The following CDH5 variants were observed in gnomAD, a reference collection of about 807,000 sequenced individuals.
The protein encoded by CDH5 is cadherin 5, also known as cadherin-5.
Under a neutral mutation model 62.0 loss-of-function variants are expected in CDH5, and 28 were observed. The observed-to-expected ratio is 0.45, with a 90% CI of 0.33 to 0.62. The LOEUF (loss-of-function observed/expected upper bound fraction) is 0.62, where lower values mean the gene tolerates loss of function less well. Ranked by LOEUF, CDH5 falls within the 20% of genes least tolerant of loss-of-function variation. The pLI is 0.02. For synonymous variants in CDH5, 464 were observed against 445.8 expected, an observed-to-expected ratio of 1.04 and a Z score of -0.52; for missense variants, 940 against 1,065.1, an observed-to-expected ratio of 0.88 and a Z score of 1.63.
intron 11 of CDH5, among the ~76,000 whole-genome samples, chr16:66,401,832 G>A (rs1288371464): frequency 6.6e-6 from 1 of 152,184 alleles, no homozygotes. Context: ...CGCAGCAGGG[G>A]CTGATCCTCC....
In CDH5 at chr16:66,403,101, T is replaced by C. The variant is rs1270112336; in HGVS notation, c.2287T>C (p.Trp763Arg). Residue 763 changes from tryptophan to arginine, a missense_variant, in exon 12 of 12, where the codon TGG becomes CGG. By Grantham distance (101) the Trp-to-Arg change is moderately radical. Coordinates refer to ENST00000341529, the MANE Select transcript of CDH5 (RefSeq NM_001795.5). This position sits in a 1 kb window ranked among gnomAD's most constrained non-coding sequence, Gnocchi z 4.3. ...SDVDYDFLND[W>R]GPRFKMLAEL... The stretch of plus-strand genomic sequence containing the variant: ...CGTGGATTACGACTTCCTTAACGAC[T>C]GGGGACCCAGGTTTAAGATGCTGGC... 6.2e-7 allele frequency: 1 copy of C among 1,613,708 alleles called. No individual in the cohort carries two copies.
chr16:66,396,268 A>G, intron 8 of CDH5, 67 bp downstream of exon 8: 1 of 1,596,752 alleles, frequency 6.3e-7, no homozygotes, highest in Admixed American at 1.7e-5. Flanking sequence ...CAAAACTGGC[A>G]TAATCAATAA....
intron 5 of CDH5, 118 bp downstream of exon 5, chr16:66,389,640 C>A: frequency 1.1e-6 from 1 of 873,322 alleles, no homozygotes; most frequent in Non-Finnish European, 1.7e-6. Flanking sequence ...CCAGGGTAGG[C>A]CTGATGCCCA....
intron 4 of CDH5, among the ~76,000 whole-genome samples, 181 bp downstream of exon 4, chr16:66,388,621 G>A (rs1282922026): frequency 6.6e-6 from 1 of 152,212 alleles, no homozygotes; most frequent in African/African-American, 2.4e-5. Flanking sequence ...CAAGGGAGAA[G>A]GAAGCAGGCA....
intron 2 of CDH5, among the ~76,000 whole-genome samples, chr16:66,383,645 T>C (rs1484945092): frequency 6.6e-6 from 1 of 151,810 alleles, no homozygotes; most frequent in Non-Finnish European, 1.5e-5. Flanking sequence ...TCTCTTTGAG[T>C]CTCCACTGTC....
intron 1 of CDH5, among the ~76,000 whole-genome samples, chr16:66,370,653 C>A (rs914503031): frequency 4.6e-5 from 7 of 152,118 alleles, no homozygotes; most frequent in Non-Finnish European, 8.8e-5. Flanking sequence ...CCTGCCTGGG[C>A]AGATAGGCCA....
chr16:66,388,557 C>A, intron 4 of CDH5, 117 bp downstream of exon 4: 1 of 701,966 alleles, frequency 1.4e-6, no homozygotes, highest in Non-Finnish European at 2.6e-6. Context: ...AGCTACTGAA[C>A]CACACTGTAC....
At chr16:66,371,659 G>C (rs1291690896) in intron 1 of CDH5, among the ~76,000 whole-genome samples, 1 of 152,126 alleles carries the variant, frequency 6.6e-6, no homozygotes, top group South Asian at 2.1e-4. Context: ...CCACCCCTGA[G>C]GCCCTCCAGC....
intron 1 of CDH5, among the ~76,000 whole-genome samples, chr16:66,372,833 C>A (rs893617538): frequency 6.6e-6 from 1 of 152,200 alleles, no homozygotes; most frequent in Admixed American, 6.5e-5. Context: ...CCACTCACTC[C>A]GTCCTCTCAT....
At chr16:66,388,228 AC>A in intron 3 of CDH5, 95 bp from the exon 4 acceptor site, 1 of 765,608 alleles carries the variant, frequency 1.3e-6, no homozygotes, top group Non-Finnish European at 2.3e-6. Context: ...GGAGGTGGGG[AC>A]AGAGCACAGC....
At chr16:66,369,074 C>T (rs1395845600) in intron 1 of CDH5, among the ~76,000 whole-genome samples, 1 of 152,192 alleles carries the variant, frequency 6.6e-6, no homozygotes, top group East Asian at 1.9e-4. Context: ...CCTCAGTCTT[C>T]CCATCTCTTG....
In CDH5 at chr16:66,386,892, G is replaced by A; in HGVS notation, c.294G>A (p.Glu98=). ...YVGKVFRVDA[E]TGDVFAIERL... ...GCAAGGTCTTCCGGGTCGATGCAGA[G>A]ACAGGAGACGTGTTCGCCATTGAGA... Residue 98 remains glutamate (E), a synonymous_variant, in exon 3 of 12, where the codon GAG becomes GAA. Transcript: ENST00000341529. 1 of 1,614,206 alleles carries A rather than the reference G, an allele frequency of 6.2e-7. No individual in the cohort carries two copies. Among genetic ancestry groups the A allele is most frequent in the Non-Finnish European group, 8.5e-7 (1 of 1,180,038 alleles).
At position 66,402,890 on chromosome 16, in the gene CDH5, G is replaced by C; in HGVS notation, c.2076G>C (p.Pro692=). Residue 692 remains proline (P), a synonymous_variant, in exon 12 of 12, where the codon CCG becomes CCC. Transcript: ENST00000341529. ...PSLYAQVQKP[P]RHAPGAHGGP... ...TCTATGCGCAGGTGCAGAAGCCACC[G>C]AGGCACGCGCCTGGGGCACACGGAG... 2 of 1,610,740 alleles carry C rather than the reference G, an allele frequency of 1.2e-6. No individual in the cohort carries two copies. Among genetic ancestry groups the C allele is most frequent in the Non-Finnish European group, 1.7e-6 (2 of 1,179,366 alleles).
At chr16:66,394,309 C>T (rs575792466) in intron 7 of CDH5, among the ~76,000 whole-genome samples, 1 of 152,212 alleles carries the variant, frequency 6.6e-6, no homozygotes, top group East Asian at 1.9e-4. Context: ...TCATATACGC[C>T]TAATGCAAAT....
Position 66,403,244 on chromosome 16 carries a change from C to A in CDH5, c.*75C>A. The A allele has an allele frequency of 7.1e-7, 1 of 1,401,724 alleles. No homozygotes were observed. The highest frequency in any genetic ancestry group is 9.6e-7 in the Non-Finnish European group (1 of 1,041,206). 86.8% of individuals were successfully genotyped at this position (1,401,724 alleles called of 1,614,324 possible). On this transcript the variant is annotated 3_prime_UTR_variant, in exon 12 of 12. Coordinates refer to ENST00000341529, the MANE Select transcript of CDH5 (RefSeq NM_001795.5). This position sits in a 1 kb window ranked among gnomAD's most constrained non-coding sequence, Gnocchi z 4.3. The stretch of plus-strand genomic sequence containing the variant: ...GCCAGTCAGACGCCAGGCACCACAG[C>A]CTCCAAAAATGGCAGTGACTCCCCA...
intron 8 of CDH5, among the ~76,000 whole-genome samples, chr16:66,397,081 T>C (rs1244566267): frequency 6.6e-6 from 1 of 152,226 alleles, no homozygotes; most frequent in Admixed American, 6.5e-5. Flanking sequence ...ACAGTTACTA[T>C]TAGCACATTC....
At chr16:66,375,715 G>A (rs58316049) in intron 1 of CDH5, among the ~76,000 whole-genome samples, 2 of 151,772 alleles carry the variant, frequency 1.3e-5, no homozygotes, top group East Asian at 3.9e-4. Flanking sequence ...CGTACACTTA[G>A]CTTCACTAAA....
At chr16:66,395,503 C>CTTTTTTTTTTTTTTTTTTTTTGTTTTT (rs1961166194) in intron 7 of CDH5, 7 of 80,948 alleles carry the variant, frequency 8.6e-5, no homozygotes, top group African/African-American at 1.0e-4. Flanking sequence ...CTTTTCTTTT[C>CTTTTTTTTTTTTTTTTTTTTTGTTTTT]TTTTTTTTTT....
rs748774607 is a variant in CDH5 at position 66,388,317 on chromosome 16, T to C, written c.500-7T>C. 6.3e-7 allele frequency: 1 copy of C among 1,595,706 alleles called. No homozygotes were observed. The highest frequency in any genetic ancestry group is 8.6e-7 in the Non-Finnish European group (1 of 1,163,280). The stretch of plus-strand genomic sequence containing the variant: ...AAGTCAGCAACCCCAGGATTCTCTC[T>C]CTGCAGGGACCTCAGTCATCTCTGT... On this transcript the variant is annotated splice_polypyrimidine_tract_variant and splice_region_variant and intron_variant, in intron 3 of 11. Coordinates refer to ENST00000341529, the MANE Select transcript of CDH5 (RefSeq NM_001795.5).
Sources: allele counts gnomAD v4.1 joint callset (sites outside exome capture counted in the v4.1 genomes callset), GRCh38; gene constraint gnomAD v4.1.1; non-coding constraint Gnocchi (gnomAD v3.1); transcripts MANE v1.5; gene names NCBI Gene and HGNC (gene_info 2026-07-23, HGNC 2026-07-21).